The following CNTN5 variants were observed in gnomAD, a reference collection of about 807,000 sequenced individuals.
CNTN5 encodes contactin 5.
Under a neutral mutation model 129.1 loss-of-function variants are expected in CNTN5, and 77 were observed. The ratio of observed to expected loss-of-function variants is 0.60; its 90% CI spans 0.50 to 0.72. The LOEUF (loss-of-function observed/expected upper bound fraction) is 0.72, where lower values mean the gene tolerates loss of function less well. Ranked by LOEUF, CNTN5 falls within the 30% of genes least tolerant of loss-of-function variation. CNTN5 has a pLI of 0.00. For synonymous variants in CNTN5, 509 were observed against 465.6 expected (o/e 1.09, Z -1.20); for missense variants, 1,478 against 1,328.8 (o/e 1.11, Z -1.75).
At chr11:99,673,274 T>C (rs1378766724) in intron 3 of CNTN5, among the ~76,000 whole-genome samples, 1 of 152,158 alleles carries the variant, frequency 6.6e-6, no homozygotes, top group African/African-American at 2.4e-5. Context: ...TTTATGGGCA[T>C]CATAGCATTT....
chr11:99,393,101 G>A lies in CNTN5; in HGVS notation c.-71+67617G>A, dbSNP rs970092152. 6.6e-5 allele frequency among the ~76,000 whole-genome samples: 10 copies of A among 151,686 alleles called. No individual in the cohort carries two copies. The East Asian group carries it at 9.7e-4, about 15-fold the overall frequency. On this transcript the variant is annotated intron_variant, in intron 2 of 24. Transcript: ENST00000524871. ...GATGAAATATTAAAATTCAACAAAAGCCCCACTAATAAGTAACATGAGGCT... is the reference window on the plus strand; with the variant it reads ...GATGAAATATTAAAATTCAACAAAAACCCCACTAATAAGTAACATGAGGCT...
intron 2 of CNTN5, among the ~76,000 whole-genome samples, chr11:99,422,234 A>G (rs1344916451): frequency 2.0e-5 from 3 of 152,136 alleles, no homozygotes; most frequent in African/African-American, 4.8e-5. Flanking sequence ...AATCATCATA[A>G]TATGCAACCT....
chr11:100,062,463 A>C (rs1943523141), intron 10 of CNTN5, among the ~76,000 whole-genome samples: 1 of 152,204 alleles, frequency 6.6e-6, no homozygotes, highest in Admixed American at 6.6e-5. Flanking sequence ...TCATTCATTG[A>C]TACAGTTAAT....
intron 9 of CNTN5, among the ~76,000 whole-genome samples, chr11:100,024,516 G>A (rs1407320491): frequency 1.3e-5 from 2 of 152,186 alleles, no homozygotes; most frequent in Non-Finnish European, 2.9e-5. Context: ...ACAGTTTGGA[G>A]GGCTCAGGAG....
intron 1 of CNTN5, among the ~76,000 whole-genome samples, chr11:99,054,754 C>T (rs563402710): frequency 3.3e-5 from 5 of 151,842 alleles, no homozygotes; most frequent in South Asian, 2.1e-4. Flanking sequence ...GTAGAAGGCT[C>T]AAGGGGTAGG....
At chr11:100,079,800 A>G (rs1220802662) in intron 13 of CNTN5, among the ~76,000 whole-genome samples, 1 of 152,144 alleles carries the variant, frequency 6.6e-6, no homozygotes, top group Non-Finnish European at 1.5e-5. Context: ...TAAGTAAAAT[A>G]TTCCACAGGG....
chr11:100,353,221 T>C (rs541997946), intron 24 of CNTN5, among the ~76,000 whole-genome samples: 1 of 151,728 alleles, frequency 6.6e-6, no homozygotes, highest in African/African-American at 2.4e-5. Flanking sequence ...ACCCACTTCC[T>C]GAGTTTCAGT....
At chr11:100,127,825 A>T (rs924888753) in intron 13 of CNTN5, among the ~76,000 whole-genome samples, 3 of 151,308 alleles carry the variant, frequency 2.0e-5, no homozygotes, top group Admixed American at 6.6e-5. Flanking sequence ...CATGCAGCTA[A>T]TTTTTTTATA....
At chr11:99,692,881 A>G (rs1268407307) in intron 3 of CNTN5, among the ~76,000 whole-genome samples, 1 of 152,174 alleles carries the variant, frequency 6.6e-6, no homozygotes, top group African/African-American at 2.4e-5. Context: ...AATAGTACAC[A>G]TTTGTGGGAC....
At chr11:99,165,171 C>G (rs916178451) in intron 1 of CNTN5, among the ~76,000 whole-genome samples, 1 of 152,122 alleles carries the variant, frequency 6.6e-6, no homozygotes, top group Non-Finnish European at 1.5e-5. Context: ...GGTTGTAAAT[C>G]TGATAGTTGT....
chr11:99,070,968 A>T (rs990863405), intron 1 of CNTN5, among the ~76,000 whole-genome samples: 29 of 152,192 alleles, frequency 1.9e-4, no homozygotes, highest in African/African-American at 6.5e-4. Flanking sequence ...GCAGATACAG[A>T]CTCAATAAGT....
At chr11:100,059,537 CAT>C (rs1380660565) in intron 9 of CNTN5, among the ~76,000 whole-genome samples, 2 of 149,076 alleles carry the variant, frequency 1.3e-5, no homozygotes, top group Admixed American at 6.6e-5. Context: ...ATAAAAAAAA[CAT>C]AAGCAAACAT....
chr11:100,185,926 GT>G (rs1948288877), intron 13 of CNTN5, among the ~76,000 whole-genome samples: 1 of 152,156 alleles, frequency 6.6e-6, no homozygotes, highest in Non-Finnish European at 1.5e-5. Flanking sequence ...AATTTCTGTT[GT>G]TAAACAACGT....
chr11:99,685,120 AT>A (rs1352511983), intron 3 of CNTN5, among the ~76,000 whole-genome samples: 2 of 151,412 alleles, frequency 1.3e-5, no homozygotes, highest in East Asian at 1.9e-4. Context: ...CATAATTTCA[AT>A]TTTTTTCCAT....
chr11:99,343,905 C>T (rs898724924), intron 2 of CNTN5, among the ~76,000 whole-genome samples: 10 of 152,076 alleles, frequency 6.6e-5, no homozygotes, highest in South Asian at 2.1e-4. Flanking sequence ...AATTTACAGA[C>T]GCTTGTGAAA....
intron 2 of CNTN5, among the ~76,000 whole-genome samples, chr11:99,449,565 C>T (rs553728253): frequency 8.5e-5 from 13 of 152,184 alleles, no homozygotes; most frequent in Non-Finnish European, 1.3e-4. Flanking sequence ...ACCTTACTGC[C>T]TTGTAAAAAT....
At chr11:99,246,348 A>G (rs1861816197) in intron 1 of CNTN5, among the ~76,000 whole-genome samples, 1 of 152,190 alleles carries the variant, frequency 6.6e-6, no homozygotes, top group Admixed American at 6.5e-5. Context: ...CAGTGCAGGC[A>G]ATGACTGTGA....
intron 2 of CNTN5, among the ~76,000 whole-genome samples, chr11:99,373,179 A>G (rs1241914775): frequency 1.3e-5 from 2 of 152,150 alleles, no homozygotes; most frequent in Non-Finnish European, 2.9e-5. Flanking sequence ...ATTGCACTCC[A>G]GCCAGGGTGA....
intron 3 of CNTN5, among the ~76,000 whole-genome samples, chr11:99,746,284 T>C (rs1411710034): frequency 6.6e-6 from 1 of 152,232 alleles, no homozygotes; most frequent in African/African-American, 2.4e-5. Flanking sequence ...GATTTCATTT[T>C]TCTGCTTGTG....
Sources: allele counts gnomAD v4.1 joint callset (sites outside exome capture counted in the v4.1 genomes callset), GRCh38; gene constraint gnomAD v4.1.1; transcripts MANE v1.5; gene names NCBI Gene and HGNC (gene_info 2026-07-23, HGNC 2026-07-21).